Variants in GALNT6 observed in about 807,000 individuals in gnomAD.
GALNT6 encodes GalNAc transferase 6.
In GALNT6, 51 loss-of-function variants were observed where a neutral mutation model predicts 65.9. The observed-to-expected ratio is 0.77, with a 90% CI of 0.62 to 0.98. The LOEUF (loss-of-function observed/expected upper bound fraction) is 0.98, where lower values mean the gene tolerates loss of function less well. Among genes scored for constraint, GALNT6 ranks in the 50% least tolerant of loss-of-function variants. The probability of loss-of-function intolerance (pLI) is 0.00; values close to 1 mark genes in which losing one functional copy is unlikely to be tolerated. For synonymous variants in GALNT6, 323 were observed against 315.1 expected (o/e 1.02, Z -0.26); for missense variants, 708 against 803.3 (o/e 0.88, Z 1.43).
chr12:51,359,360 C>T (rs753408878), intron 7 of GALNT6, 28 bp from the exon 8 acceptor site: 6 of 1,494,000 alleles, frequency 4.0e-6, no homozygotes, highest in Admixed American at 1.7e-5. Flanking sequence ...AGGATGAGGC[C>T]TTCAGTGGGC....
At position 51,354,385 on chromosome 12, in the gene GALNT6, A is replaced by G. The variant is rs1301922193; in HGVS notation, c.1863T>C (p.Phe621=). 10 of 1,545,920 alleles carry G rather than the reference A, an allele frequency of 6.5e-6. No homozygotes were observed. In the Admixed American group the frequency reaches 2.1e-4, roughly 33 times the overall value. The change falls in exon 12 of 12, where the codon TTT becomes TTC. Residue 621 remains phenylalanine (F), a synonymous_variant. Coordinates refer to ENST00000356317, the MANE Select transcript of GALNT6 (RefSeq NM_007210.4). ...TCTGGGGATGATCTGGGTCCTAGAC[A>G]AAGAGCCACAACTGATGGGGGTCAC... ...NPSDPHQLWL[F]V
intron 4 of GALNT6, among the ~76,000 whole-genome samples, chr12:51,376,191 G>A (rs1256489745): frequency 6.6e-6 from 1 of 152,136 alleles, no homozygotes; most frequent in Non-Finnish European, 1.5e-5. Context: ...AGAGGAAACA[G>A]GTTCAGGGAG....
In GALNT6 at chr12:51,388,224, G is replaced by T. The variant is rs148430794; in HGVS notation, c.-104+2626C>A. 7.1e-3 allele frequency among the ~76,000 whole-genome samples: 1,084 copies of T among 152,278 alleles called. 7 individuals are homozygous for T. The highest frequency in any genetic ancestry group is 0.013 in the Non-Finnish European group (855 of 68,024). On this transcript the variant is annotated intron_variant, in intron 2 of 11. Coordinates refer to ENST00000356317, the MANE Select transcript of GALNT6 (RefSeq NM_007210.4). ...GCTTTCAAAACCTTCATTTGAAATT[G>T]GGCCTTTATCAACTAGCATCTGGAG...
Position 51,377,219 on chromosome 12 carries a change from G to A in GALNT6, c.640C>T (p.Leu214=), listed in dbSNP as rs748025065. 1.9e-6 allele frequency: 3 copies of A among 1,613,642 alleles called. No homozygotes were observed. The Admixed American group carries it at 5.0e-5, about 27-fold the overall frequency. ...TPAILLKEII[L]VDDASTEEHL... ...CCCTCTGTGCTGGCATCATCCACCA[G>A]TATGATCTCCTTGAGCAAGATGGCA... Residue 214 remains leucine (L), a synonymous_variant, in exon 4 of 12, where the codon CTG becomes TTG. Coordinates refer to ENST00000356317, the MANE Select transcript of GALNT6 (RefSeq NM_007210.4).
rs763756199 is a variant in GALNT6 at position 51,379,801 on chromosome 12, C to A, written c.-20G>T. The A allele has an allele frequency of 1.5e-5, 24 of 1,586,702 alleles. No individual in the cohort carries two copies. The highest frequency in any genetic ancestry group is 2.1e-5 in the Non-Finnish European group (24 of 1,170,560). ...CCTCATCCTCCAGAACCAAGGGGCA[C>A]CCCAGCTGCGTCAGCTCTGAGTCCT... On this transcript the variant is annotated 5_prime_UTR_variant, in exon 3 of 12. Coordinates refer to ENST00000356317, the MANE Select transcript of GALNT6 (RefSeq NM_007210.4).
At chr12:51,358,986 C>T (rs1476455807) in intron 8 of GALNT6, 146 bp downstream of exon 8, 2 of 687,734 alleles carry the variant, frequency 2.9e-6, no homozygotes, top group East Asian at 2.5e-5. Flanking sequence ...TGGCCTTCTC[C>T]TGGGCTCTAG....
chr12:51,359,644 C>G (rs1284932498), intron 7 of GALNT6: 1 of 240,026 alleles, frequency 4.2e-6, no homozygotes, highest in Non-Finnish European at 7.9e-6. Flanking sequence ...TATACCTACT[C>G]TGAGCTCTGA....
chr12:51,383,907 C>T (rs534863243), intron 2 of GALNT6, among the ~76,000 whole-genome samples: 6 of 152,162 alleles, frequency 3.9e-5, no homozygotes, highest in South Asian at 2.1e-4. Flanking sequence ...TCGTGGAGGT[C>T]GCCCCTCCAC....
intron 2 of GALNT6, 58 bp downstream of exon 2, chr12:51,390,792 A>T (rs918462641): frequency 1.3e-5 from 2 of 152,320 alleles, no homozygotes; most frequent in African/African-American, 4.8e-5. Context: ...GTCTGCTGTA[A>T]GCTTTGTGGG....
intron 4 of GALNT6, among the ~76,000 whole-genome samples, chr12:51,374,424 TG>T (rs1345862750): frequency 6.6e-6 from 1 of 152,196 alleles, no homozygotes. Context: ...CTGTCTTCCC[TG>T]GGAAGATGTG....
intron 2 of GALNT6, among the ~76,000 whole-genome samples, chr12:51,382,018 G>A (rs118154992): frequency 0.013 from 2,015 of 152,342 alleles, 18 homozygotes; most frequent in Non-Finnish European, 0.022. Flanking sequence ...TGTGGCCATC[G>A]TGATCTCAAG....
At position 51,379,875 on chromosome 12, in the gene GALNT6, G is replaced by A. The variant is rs1384338924; in HGVS notation, c.-94C>T. 5 of 1,284,888 alleles carry A rather than the reference G, an allele frequency of 3.9e-6. No homozygotes were observed. The South Asian group carries it at 4.4e-5, about 11-fold the overall frequency. 79.6% of individuals were successfully genotyped at this position (1,284,888 alleles called of 1,614,324 possible). On this transcript the variant is annotated 5_prime_UTR_variant, in exon 3 of 12. Coordinates refer to ENST00000356317, the MANE Select transcript of GALNT6 (RefSeq NM_007210.4). ...GATACGTTGTGGTGGCCACAAGCTG[G>A]GGCCTCAGCCTGAGAAAGGAGGGGA...
intron 6 of GALNT6, among the ~76,000 whole-genome samples, chr12:51,362,399 G>C (rs538063691): frequency 6.6e-6 from 1 of 152,350 alleles, no homozygotes; most frequent in East Asian, 1.9e-4. Flanking sequence ...CTTGAGATGG[G>C]AGGCCGGGAG....
intron 11 of GALNT6, among the ~76,000 whole-genome samples, chr12:51,354,763 C>T (rs985657778): frequency 3.3e-5 from 5 of 152,110 alleles, no homozygotes; most frequent in Admixed American, 2.6e-4. Context: ...GCTTTCAGGG[C>T]CTCCCGCACC....
intron 2 of GALNT6, among the ~76,000 whole-genome samples, chr12:51,389,998 C>T (rs1268938880): frequency 1.3e-5 from 2 of 152,086 alleles, no homozygotes; most frequent in Admixed American, 1.3e-4. Context: ...TTGTCCTGTT[C>T]TCTGCCCTGG....
chr12:51,390,695 G>A (rs972794379), intron 2 of GALNT6, among the ~76,000 whole-genome samples, 155 bp downstream of exon 2: 15 of 146,114 alleles, frequency 1.0e-4, no homozygotes, highest in African/African-American at 2.5e-4. Context: ...CCTGTAAATT[G>A]TGTGTGTGGG....
chr12:51,380,650 G>C (rs1947635696), intron 2 of GALNT6, among the ~76,000 whole-genome samples: 1 of 152,218 alleles, frequency 6.6e-6, no homozygotes, highest in Non-Finnish European at 1.5e-5. Context: ...AATTAGCTGG[G>C]CGTGGTAGCG....
intron 4 of GALNT6, among the ~76,000 whole-genome samples, chr12:51,366,660 A>G (rs1947116615): frequency 1.3e-5 from 2 of 152,150 alleles, no homozygotes; most frequent in African/African-American, 2.4e-5. Context: ...CCATGATCTA[A>G]CAGAGGTAGT....
At chr12:51,358,370 G>T in intron 8 of GALNT6, 109 bp from the exon 9 acceptor site, 1 of 1,264,348 alleles carries the variant, frequency 7.9e-7, no homozygotes, top group East Asian at 2.4e-5. Context: ...GTGCAATCTC[G>T]GCTCACTGCA....
Sources: allele counts gnomAD v4.1 joint callset (sites outside exome capture counted in the v4.1 genomes callset), GRCh38; gene constraint gnomAD v4.1.1; transcripts MANE v1.5; gene names NCBI Gene and HGNC (gene_info 2026-07-23, HGNC 2026-07-21).